Variants in FAAH2 observed in about 807,000 individuals in gnomAD.
FAAH2 encodes the protein fatty acid amide hydrolase 2, also known as fatty-acid amide hydrolase 2.
A neutral mutation model predicts 36.9 loss-of-function variants in FAAH2; 60 were observed. The ratio of observed to expected loss-of-function variants is 1.63; its 90% CI spans 1.32 to 2.02. FAAH2 has a LOEUF of 2.02. Among genes scored for constraint, FAAH2 ranks in the 30% most tolerant of loss-of-function variants. The probability of loss-of-function intolerance (pLI) is 0.00; values close to 1 mark genes in which losing one functional copy is unlikely to be tolerated. For missense variants in FAAH2, 689 were observed against 397.5 expected (o/e 1.73, Z -6.23); for synonymous variants, 214 against 143.8 (o/e 1.49, Z -3.49).
At chrX:57,374,201 CT>C (rs1391343885) in intron 5 of FAAH2, among the ~76,000 whole-genome samples, 6 of 111,360 alleles carry the variant, frequency 5.4e-5, no homozygotes, top group African/African-American at 2.0e-4. Flanking sequence ...TATGCAGATA[CT>C]TTTTGGGTCC....
chrX:57,257,689 A>G, the FAAH2 span, among the ~76,000 whole-genome samples: 1 of 111,619 alleles, frequency 9.0e-6, no homozygotes, highest in South Asian at 3.8e-4. Context: ...CTTAAAGTAT[A>G]ATTAAAAAAA....
intron 2 of FAAH2, among the ~76,000 whole-genome samples, chrX:57,304,738 G>A (rs903738956): frequency 3.9e-4 from 44 of 111,871 alleles, no homozygotes; most frequent in African/African-American, 1.4e-3. Flanking sequence ...AACAATGTCT[G>A]CAACTCTTGA....
chrX:57,482,635 C>A (rs962424320), intron 10 of FAAH2, among the ~76,000 whole-genome samples: 9 of 109,106 alleles, frequency 8.2e-5, no homozygotes, highest in Non-Finnish European at 1.7e-4. Context: ...AAATCATCCA[C>A]CTTCTGCGTT....
At position 57,366,816 on chromosome X, in the gene FAAH2, G is replaced by T. The variant is rs1168114097; in HGVS notation, c.743-11835G>T. On this transcript the variant is annotated intron_variant, in intron 5 of 10. Transcript: ENST00000374900. ...GGCAGAGGTTAGCAGATAAGGGGGAGCTCAGATCAGACTGGCCCTGTCCCA... is the reference window on the plus strand; with the variant it reads ...GGCAGAGGTTAGCAGATAAGGGGGATCTCAGATCAGACTGGCCCTGTCCCA... Among the ~76,000 whole-genome samples, 5 of 112,346 alleles carry T rather than the reference G, an allele frequency of 4.5e-5. No individual in the cohort carries two copies. The Middle Eastern group carries it at 0.019, about 416-fold the overall frequency.
upstream of FAAH2, among the ~76,000 whole-genome samples, chrX:57,285,112 C>T (rs757843442): frequency 6.2e-5 from 7 of 112,580 alleles, no homozygotes; most frequent in Non-Finnish European, 1.3e-4. Flanking sequence ...TAGATTATGA[C>T]AACCTGCTTT....
At chrX:57,363,363 C>G (rs1422957283) in intron 5 of FAAH2, among the ~76,000 whole-genome samples, 1 of 111,352 alleles carries the variant, frequency 9.0e-6, no homozygotes, top group Non-Finnish European at 1.9e-5. Flanking sequence ...TCATTTGGCT[C>G]TCAGCATGAA....
chrX:57,265,388 G>A, the FAAH2 span, among the ~76,000 whole-genome samples: 1 of 111,866 alleles, frequency 8.9e-6, no homozygotes, highest in African/African-American at 3.3e-5. Context: ...CACTGGCTTA[G>A]GATTCCAGCC....
chrX:57,295,623 G>A (rs2052118868), intron 2 of FAAH2, among the ~76,000 whole-genome samples: 1 of 112,077 alleles, frequency 8.9e-6, no homozygotes, highest in South Asian at 3.7e-4. Context: ...GACAGTGGGT[G>A]CAGTGCACCG....
the FAAH2 span, among the ~76,000 whole-genome samples, chrX:57,271,057 G>A: frequency 8.9e-6 from 1 of 112,533 alleles, no homozygotes; most frequent in Non-Finnish European, 1.9e-5. Context: ...TCCACATGGA[G>A]CCCAGGAAAC....
chrX:57,139,775 T>G, the FAAH2 span, among the ~76,000 whole-genome samples: 1 of 111,863 alleles, frequency 8.9e-6, no homozygotes, highest in East Asian at 2.8e-4. Context: ...TAGTATAATT[T>G]GAAGTCAGGT....
intron 7 of FAAH2, among the ~76,000 whole-genome samples, chrX:57,391,799 T>A (rs2055173057): frequency 9.0e-6 from 1 of 110,917 alleles, no homozygotes; most frequent in Non-Finnish European, 1.9e-5. Context: ...ATTTGGCTCT[T>A]CAGGCTCTTT....
chrX:57,272,866 AC>A, the FAAH2 span, among the ~76,000 whole-genome samples: 1 of 112,200 alleles, frequency 8.9e-6, no homozygotes, highest in Non-Finnish European at 1.9e-5. Flanking sequence ...ATCCAGCAAA[AC>A]AACCAGCTAG....
chrX:57,358,578 TATAG>T (rs1164129732), intron 5 of FAAH2, among the ~76,000 whole-genome samples: 1 of 111,269 alleles, frequency 9.0e-6, no homozygotes, highest in Non-Finnish European at 1.9e-5. Flanking sequence ...TGTGTATATA[TATAG>T]AGAGAGAGTT....
chrX:57,412,122 C>A (rs1187843429), intron 7 of FAAH2, among the ~76,000 whole-genome samples: 1 of 111,592 alleles, frequency 9.0e-6, no homozygotes, highest in East Asian at 2.8e-4. Context: ...TATTCCAAAT[C>A]GACTCTTCTA....
chrX:57,468,545 G>A (rs1380534034), intron 10 of FAAH2, among the ~76,000 whole-genome samples: 1 of 111,606 alleles, frequency 9.0e-6, no homozygotes, highest in Non-Finnish European at 1.9e-5. Flanking sequence ...GAAGTTTACA[G>A]AAAAAAATAG....
At chrX:57,488,689 A>C in intron 10 of FAAH2, 68 bp from the exon 11 acceptor site, 1 of 1,055,819 alleles carries the variant, frequency 9.5e-7, no homozygotes, top group Non-Finnish European at 1.3e-6. Flanking sequence ...TTATTGGTAA[A>C]ATAATTGAAA....
intron 7 of FAAH2, among the ~76,000 whole-genome samples, chrX:57,389,142 G>T (rs1472871646): frequency 9.5e-6 from 1 of 104,823 alleles, no homozygotes; most frequent in Non-Finnish European, 2.0e-5. Flanking sequence ...TGCTTTGTTA[G>T]AAATCTTGAG....
At chrX:57,216,735 C>T in the FAAH2 span, among the ~76,000 whole-genome samples, 3 of 98,089 alleles carry the variant, frequency 3.1e-5, no homozygotes, top group Admixed American at 1.2e-4. Context: ...TATAAACATG[C>T]GTGTGCAAGT....
intron 10 of FAAH2, among the ~76,000 whole-genome samples, chrX:57,476,658 G>T (rs1390678765): frequency 2.7e-5 from 3 of 110,712 alleles, no homozygotes; most frequent in African/African-American, 9.9e-5. Context: ...CTTTTTTGTT[G>T]TGTCTCTTCC....
Sources: gnomAD v4.1 joint callset for allele counts (sites outside exome capture counted in the v4.1 genomes callset) on GRCh38, gnomAD v4.1.1 for gene constraint, MANE v1.5 for transcripts, NCBI Gene and HGNC (gene_info 2026-07-23, HGNC 2026-07-21) for gene names.